Variants in HPSE2 observed in about 807,000 individuals in gnomAD.
The protein encoded by HPSE2 is heparanase 2 (inactive).
In HPSE2, 38 loss-of-function variants were observed where a neutral mutation model predicts 60.5. That is an observed-to-expected ratio of 0.63 (90% CI 0.48 to 0.82). The LOEUF (loss-of-function observed/expected upper bound fraction) is 0.82. HPSE2 is among the 40% of genes least tolerant of loss of function. The pLI, the probability that HPSE2 is intolerant of heterozygous loss-of-function variation, is 0.00. For synonymous variants in HPSE2, 295 were observed against 293.2 expected, an observed-to-expected ratio of 1.01 and a Z score of -0.06; for missense variants, 713 against 740.4, an observed-to-expected ratio of 0.96 and a Z score of 0.43.
At chr10:98,557,876 G>A (rs1944057907) in intron 9 of HPSE2, among the ~76,000 whole-genome samples, 1 of 152,080 alleles carries the variant, frequency 6.6e-6, no homozygotes, top group African/African-American at 2.4e-5. Flanking sequence ...TTGAACCCAG[G>A]AGGCGGAGGT....
chr10:99,281,868 G>A, the HPSE2 span, among the ~76,000 whole-genome samples: 2 of 152,240 alleles, frequency 1.3e-5, no homozygotes, highest in East Asian at 3.9e-4. Context: ...TTGAAAGTAA[G>A]AGGATAGAAA....
chr10:98,746,433 T>C lies in HPSE2; in HGVS notation c.611-2377A>G, dbSNP rs137965788. ...ATGCTTTACTATTCAACATCATTAA[T>C]ACATTTTATATTCAAAATAATATTA... On this transcript the variant is annotated intron_variant, in intron 3 of 11. Transcript: ENST00000370552. 3.6e-3 allele frequency among the ~76,000 whole-genome samples: 543 copies of C among 152,150 alleles called. 1 individual carries two copies. The highest frequency in any genetic ancestry group is 0.012 in the African/African-American group (516 of 41,562).
chr10:98,858,778 A>G (rs1952379548), intron 3 of HPSE2, among the ~76,000 whole-genome samples: 1 of 152,190 alleles, frequency 6.6e-6, no homozygotes, highest in Non-Finnish European at 1.5e-5. Flanking sequence ...CATAACCCCT[A>G]CCTACCTTAC....
intron 11 of HPSE2, among the ~76,000 whole-genome samples, chr10:98,460,528 AC>A (rs1940243382): frequency 6.6e-6 from 1 of 152,168 alleles, no homozygotes; most frequent in African/African-American, 2.4e-5. Context: ...TGGGAAGATC[AC>A]TTGAGCCTGG....
intron 2 of HPSE2, among the ~76,000 whole-genome samples, chr10:99,148,843 A>G (rs1846155610): frequency 6.6e-6 from 1 of 152,046 alleles, no homozygotes; most frequent in South Asian, 2.1e-4. Context: ...TGAAACTATG[A>G]TTCAATGGAC....
chr10:98,556,189 T>C (rs758475259), intron 9 of HPSE2, among the ~76,000 whole-genome samples: 3 of 152,112 alleles, frequency 2.0e-5, no homozygotes, highest in Admixed American at 6.5e-5. Flanking sequence ...CTAAGGGAAA[T>C]TGCTGTGAGC....
intron 6 of HPSE2, among the ~76,000 whole-genome samples, chr10:98,643,116 G>A (rs1019167103): frequency 1.3e-4 from 20 of 152,186 alleles, no homozygotes; most frequent in African/African-American, 4.6e-4. Flanking sequence ...ACAGAATCCA[G>A]TGCTTAAACC....
In HPSE2 at chr10:98,614,701, A is replaced by ATGTGTGTGTG. The variant is rs141443710; in HGVS notation, c.1320+193_1320+202dup. On this transcript the variant is annotated intron_variant, in intron 9 of 11. Coordinates refer to ENST00000370552, the MANE Select transcript of HPSE2 (RefSeq NM_021828.5). ...TGTATATATAAAAGTGAGTGAACAGATGTGTGTGTGTGTGTGTGTGTGTGT... is the reference window on the plus strand; with the variant it reads ...TGTATATATAAAAGTGAGTGAACAGATGTGTGTGTGTGTGTGTGTGTGTGTGTGTGTGTGT... 2.5e-3 allele frequency among the ~76,000 whole-genome samples: 375 copies of ATGTGTGTGTG among 149,016 alleles called. 3 individuals carry two copies. Among genetic ancestry groups the ATGTGTGTGTG allele is most frequent in the African/African-American group, 8.9e-3 (363 of 40,796 alleles).
Position 99,128,860 on chromosome 10 carries a change from T to A in HPSE2, c.610+15378A>T, listed in dbSNP as rs562067416. ...TAAAATAAAATTTAATTTCATTTTTTAAAAAAAAATCCACCAACCAAGTAT... is the reference window on the plus strand; with the variant it reads ...TAAAATAAAATTTAATTTCATTTTTAAAAAAAAAATCCACCAACCAAGTAT... On this transcript the variant is annotated intron_variant, in intron 3 of 11. Coordinates refer to ENST00000370552, the MANE Select transcript of HPSE2 (RefSeq NM_021828.5). Among the ~76,000 whole-genome samples, 1,064 of 151,756 alleles carry A rather than the reference T, an allele frequency of 7.0e-3. 14 individuals are homozygous for A. The highest frequency in any genetic ancestry group is 0.024 in the African/African-American group (993 of 41,362).
intron 3 of HPSE2, among the ~76,000 whole-genome samples, chr10:98,867,265 A>T (rs1952610994): frequency 2.0e-5 from 3 of 152,030 alleles, no homozygotes; most frequent in Admixed American, 2.0e-4. Flanking sequence ...TTATACCAGA[A>T]TATATAAGGA....
At chr10:99,272,269 C>CAA in the HPSE2 span, among the ~76,000 whole-genome samples, 442 of 137,746 alleles carry the variant, frequency 3.2e-3, 1 homozygote, top group Middle Eastern at 0.03. Context: ...GACTCCATCT[C>CAA]AAAAAAAAAA....
Position 98,731,200 on chromosome 10 carries a change from C to T in HPSE2, c.785-9372G>A, listed in dbSNP as rs148420935. Among the ~76,000 whole-genome samples, 105 of 152,220 alleles carry T rather than the reference C, an allele frequency of 6.9e-4. 1 individual carries two copies. Among genetic ancestry groups the T allele is most frequent in the African/African-American group, 2.4e-3 (101 of 41,558 alleles). On this transcript the variant is annotated intron_variant, in intron 4 of 11. Coordinates refer to ENST00000370552, the MANE Select transcript of HPSE2 (RefSeq NM_021828.5). ...ACTCAGGAGGCTGAGGCAGGAGAAT[C>T]GCTTGAGTCTGGGAGGTGGAGTGAG...
chr10:98,714,857 CT>C (rs1948755300), intron 5 of HPSE2, among the ~76,000 whole-genome samples: 1 of 151,690 alleles, frequency 6.6e-6, no homozygotes, highest in Admixed American at 6.6e-5. Flanking sequence ...TGTATATAAT[CT>C]TTTTGATTAT....
At chr10:99,046,180 T>C (rs1261260701) in intron 3 of HPSE2, among the ~76,000 whole-genome samples, 8 of 152,086 alleles carry the variant, frequency 5.3e-5, no homozygotes, top group Non-Finnish European at 1.5e-5. Flanking sequence ...GTTCAACATA[T>C]GCAAATCAAT....
At chr10:99,181,225 C>T (rs950465271) in intron 2 of HPSE2, among the ~76,000 whole-genome samples, 7 of 150,016 alleles carry the variant, frequency 4.7e-5, no homozygotes, top group African/African-American at 1.7e-4. Context: ...GGTGAAACCC[C>T]GTCTCTACTA....
intron 3 of HPSE2, among the ~76,000 whole-genome samples, chr10:98,828,107 C>T (rs1186947481): frequency 6.6e-6 from 1 of 152,154 alleles, no homozygotes; most frequent in African/African-American, 2.4e-5. Flanking sequence ...TTTAGAGCTT[C>T]CAATCTTTAC....
intron 9 of HPSE2, among the ~76,000 whole-genome samples, chr10:98,600,866 C>A (rs1237720595): frequency 5.1e-5 from 5 of 98,400 alleles, no homozygotes; most frequent in Admixed American, 1.2e-4. Context: ...TATATATATA[C>A]GTATATATGT....
intron 9 of HPSE2, among the ~76,000 whole-genome samples, chr10:98,528,698 C>T (rs887876903): frequency 2.0e-5 from 3 of 152,200 alleles, no homozygotes; most frequent in African/African-American, 7.2e-5. Context: ...GTTTCCTGTC[C>T]TATTATGTGT....
intron 2 of HPSE2, among the ~76,000 whole-genome samples, chr10:99,149,712 T>C (rs1297983061): frequency 1.3e-5 from 2 of 152,170 alleles, no homozygotes; most frequent in South Asian, 4.1e-4. Context: ...TCAACACTTT[T>C]ATGGTTCCAC....
Sources: allele counts gnomAD v4.1 joint callset (sites outside exome capture counted in the v4.1 genomes callset), GRCh38; gene constraint gnomAD v4.1.1; transcripts MANE v1.5; gene names NCBI Gene and HGNC (gene_info 2026-07-23, HGNC 2026-07-21).